The following TENM4 variants were observed in gnomAD, a reference collection of about 807,000 sequenced individuals.
The protein encoded by TENM4 is teneurin transmembrane protein 4, also known as teneurin-4.
Under a neutral mutation model 243.3 loss-of-function variants are expected in TENM4, and 82 were observed. The ratio of observed to expected loss-of-function variants is 0.34; its 90% CI spans 0.28 to 0.40. The LOEUF (loss-of-function observed/expected upper bound fraction) is 0.40, where lower values mean the gene tolerates loss of function less well. TENM4 is among the 10% of genes least tolerant of loss of function. The pLI is 1.00. For synonymous variants in TENM4, 1,412 were observed against 1,456.3 expected (o/e 0.97, Z 0.69); for missense variants, 3,138 against 3,673.3 (o/e 0.85, Z 3.77).
chr11:78,696,679 G>T (rs1398285504), intron 28 of TENM4, among the ~76,000 whole-genome samples: 1 of 152,082 alleles, frequency 6.6e-6, no homozygotes, highest in Non-Finnish European at 1.5e-5. Flanking sequence ...TTCCCTCAAG[G>T]TCCACAGTTC....
intron 1 of TENM4, among the ~76,000 whole-genome samples, chr11:79,439,764 G>C (rs1197211595): frequency 6.6e-6 from 1 of 152,134 alleles, no homozygotes; most frequent in Non-Finnish European, 1.5e-5. Context: ...TAAAATGACT[G>C]AGGAGCTCGG....
chr11:79,369,100 A>G (rs1857731682), intron 1 of TENM4, among the ~76,000 whole-genome samples: 1 of 152,178 alleles, frequency 6.6e-6, no homozygotes. Flanking sequence ...TCCCCAGACA[A>G]AAAAAGAACA....
At chr11:79,041,260 C>T (rs1036339766) in intron 6 of TENM4, among the ~76,000 whole-genome samples, 34 of 152,002 alleles carry the variant, frequency 2.2e-4, no homozygotes, top group African/African-American at 7.2e-4. Context: ...GATGGGGTTT[C>T]GCTATGTTGG....
chr11:78,893,126 G>A (rs1565426820), intron 7 of TENM4, among the ~76,000 whole-genome samples: 1 of 152,250 alleles, frequency 6.6e-6, no homozygotes, highest in Non-Finnish European at 1.5e-5. Context: ...CGGCCTGGGT[G>A]GCAGTCTGTT....
intron 3 of TENM4, among the ~76,000 whole-genome samples, chr11:79,175,061 T>G (rs1328277917): frequency 6.6e-6 from 1 of 152,232 alleles, no homozygotes; most frequent in Non-Finnish European, 1.5e-5. Flanking sequence ...CTCTATTTCT[T>G]TCTTTGCTGT....
At chr11:78,732,194 C>A in intron 21 of TENM4, 122 bp downstream of exon 21, 1 of 1,371,284 alleles carries the variant, frequency 7.3e-7, no homozygotes, top group Non-Finnish European at 9.7e-7. Context: ...GCATAACAGG[C>A]TGATGGGACC....
At chr11:78,959,015 C>G (rs1043071905) in intron 6 of TENM4, among the ~76,000 whole-genome samples, 1 of 152,206 alleles carries the variant, frequency 6.6e-6, no homozygotes, top group Non-Finnish European at 1.5e-5. Flanking sequence ...GCAACCAATG[C>G]TTTCAGAGGT....
chr11:79,322,884 G>T (rs1333661866), intron 1 of TENM4, among the ~76,000 whole-genome samples: 1 of 152,166 alleles, frequency 6.6e-6, no homozygotes, highest in Non-Finnish European at 1.5e-5. Flanking sequence ...CTCATAAAAA[G>T]GACCTTGTAA....
chr11:79,288,708 C>T (rs550315036), intron 2 of TENM4, among the ~76,000 whole-genome samples: 1 of 152,294 alleles, frequency 6.6e-6, no homozygotes, highest in South Asian at 2.1e-4. Context: ...GTGTCAGCTT[C>T]TTTCCTGGCT....
At chr11:78,826,849 G>A (rs1181806918) in intron 12 of TENM4, among the ~76,000 whole-genome samples, 1 of 152,170 alleles carries the variant, frequency 6.6e-6, no homozygotes, top group Non-Finnish European at 1.5e-5. Context: ...TCCAACATGG[G>A]AATAATCTCT....
At position 79,097,311 on chromosome 11, in the gene TENM4, G is replaced by C. The variant is rs576545485; in HGVS notation, c.-65-27302C>G. 3.9e-5 allele frequency: 6 copies of C among 152,298 alleles called. No homozygotes were observed. The East Asian group carries it at 1.2e-3, about 29-fold the overall frequency. 9.4% of individuals were successfully genotyped at this position (152,298 alleles called of 1,614,324 possible). A position where few individuals can be genotyped will look rare whatever the true frequency, so the allele number is the denominator to read the frequency against. On this transcript the variant is annotated intron_variant, in intron 4 of 33. Coordinates refer to ENST00000278550, the MANE Select transcript of TENM4 (RefSeq NM_001098816.3). ...TCCTTGGTTATGTTTTCTATTCTTT[G>C]GGTAAGTTTGACAAAGTGGGGTTCT...
chr11:78,715,314 C>T (rs1859496720), intron 25 of TENM4, among the ~76,000 whole-genome samples: 1 of 152,192 alleles, frequency 6.6e-6, no homozygotes, highest in Non-Finnish European at 1.5e-5. Flanking sequence ...GATGACAGCT[C>T]TGAGGCGGGG....
intron 6 of TENM4, among the ~76,000 whole-genome samples, chr11:78,951,602 T>G (rs2136493199): frequency 6.6e-6 from 1 of 152,334 alleles, no homozygotes; most frequent in South Asian, 2.1e-4. Context: ...CGGTTTCTGG[T>G]GAGGGCTCTC....
intron 6 of TENM4, among the ~76,000 whole-genome samples, chr11:79,006,253 G>T (rs1858483075): frequency 6.6e-6 from 1 of 152,078 alleles, no homozygotes; most frequent in Non-Finnish European, 1.5e-5. Flanking sequence ...CCTTCAGTTA[G>T]AAATTGCAAC....
rs117481899 is a variant in TENM4, at chr11:79,388,610, T to C, written c.-321+51899A>G. 2.8e-3 allele frequency among the ~76,000 whole-genome samples: 420 copies of C among 152,316 alleles called. 1 individual carries two copies. The highest frequency in any genetic ancestry group is 0.01 in the Middle Eastern group (3 of 294). ...ACACAGGCAGGAGTTCCTCCCAGGC[T>C]ACTTAGTTTGTGCCTAATCCCTTTA... On this transcript the variant is annotated intron_variant, in intron 1 of 33. Transcript: ENST00000278550.
intron 29 of TENM4, among the ~76,000 whole-genome samples, chr11:78,684,698 G>A (rs1440485868): frequency 1.3e-5 from 2 of 152,228 alleles, no homozygotes; most frequent in Non-Finnish European, 2.9e-5. Flanking sequence ...ACTGGGGCAA[G>A]CTACCTAACC....
At chr11:78,881,807 G>A (rs746007381) in intron 9 of TENM4, among the ~76,000 whole-genome samples, 5 of 152,114 alleles carry the variant, frequency 3.3e-5, no homozygotes, top group Admixed American at 6.6e-5. Context: ...TTCTCCCTTC[G>A]TCAGCATTTC....
chr11:79,049,339 C>A (rs1859740370), intron 6 of TENM4, among the ~76,000 whole-genome samples: 1 of 152,244 alleles, frequency 6.6e-6, no homozygotes, highest in Non-Finnish European at 1.5e-5. Context: ...GCAGTGCGCT[C>A]TAACAGAATT....
At chr11:78,899,561 G>GA (rs1425578677) in intron 7 of TENM4, among the ~76,000 whole-genome samples, 1 of 127,354 alleles carries the variant, frequency 7.9e-6, no homozygotes, top group East Asian at 2.4e-4. Context: ...TCAAAAAGCG[G>GA]GGGGGGGGGG....
Sources: allele counts gnomAD v4.1 joint callset (sites outside exome capture counted in the v4.1 genomes callset), GRCh38; gene constraint gnomAD v4.1.1; transcripts MANE v1.5; gene names NCBI Gene and HGNC (gene_info 2026-07-23, HGNC 2026-07-21).